Variants in ZFYVE16 observed in about 807,000 individuals in gnomAD.
The protein encoded by ZFYVE16 is zinc finger FYVE-type containing 16.
A neutral mutation model predicts 138.1 loss-of-function variants in ZFYVE16; 89 were observed. That is an observed-to-expected ratio of 0.64 (90% CI 0.54 to 0.77). The LOEUF (loss-of-function observed/expected upper bound fraction) is 0.77, where lower values mean the gene tolerates loss of function less well. Among genes scored for constraint, ZFYVE16 ranks in the 30% least tolerant of loss-of-function variants. The probability of loss-of-function intolerance (pLI) is 0.00; values close to 1 mark genes in which losing one functional copy is unlikely to be tolerated. For synonymous variants in ZFYVE16, 596 were observed against 618.3 expected (o/e 0.96, Z 0.53); for missense variants, 1,793 against 1,786.7 (o/e 1.00, Z -0.06).
chr5:80,473,839 A>C lies in ZFYVE16; in HGVS notation c.4273A>C (p.Lys1425Gln), dbSNP rs1407813310. The change falls in exon 17 of 19, where the codon AAG becomes CAG. Residue 1425 changes from lysine to glutamine, a missense_variant. Physicochemically the swap from Lys to Gln is moderately conservative, Grantham distance 53. Transcript: ENST00000505560. ...GGAAGCAGATTTTGAAACCGATGAGAAGATTGTAAAATGTACCGAGGTAAC... is the reference window on the plus strand; with the variant it reads ...GGAAGCAGATTTTGAAACCGATGAGCAGATTGTAAAATGTACCGAGGTAAC... ...KLEADFETDE[K>Q]IVKCTEVFYF... 6.2e-7 allele frequency: 1 copy of C among 1,612,946 alleles called. No individual in the cohort carries two copies. The highest frequency in any genetic ancestry group is 8.5e-7 in the Non-Finnish European group (1 of 1,179,316).
In ZFYVE16 at chr5:80,477,575, C is replaced by T. The variant is rs182329612; in HGVS notation, c.*198C>T. The T allele has an allele frequency of 1.4e-4, 55 of 401,658 alleles. 1 individual carries two copies. The highest frequency in any genetic ancestry group is 1.0e-3 in the Admixed American group (22 of 22,062). 24.9% of individuals were successfully genotyped at this position (401,658 alleles called of 1,614,324 possible). A position where few individuals can be genotyped will look rare whatever the true frequency, so the allele number is the denominator to read the frequency against. On this transcript the variant is annotated 3_prime_UTR_variant, in exon 19 of 19. Transcript: ENST00000505560. ...TATCTAAAAATTTAAGAGATCCATACTTTCTGTAGCTTTACAATTAATTTA... is the reference window on the plus strand; with the variant it reads ...TATCTAAAAATTTAAGAGATCCATATTTTCTGTAGCTTTACAATTAATTTA...
chr5:80,478,133 A>G lies in ZFYVE16; in HGVS notation c.*756A>G, dbSNP rs1249866779. On this transcript the variant is annotated 3_prime_UTR_variant, in exon 19 of 19. Coordinates refer to ENST00000505560, the MANE Select transcript of ZFYVE16 (RefSeq NM_001284236.3). ...GTTTTATAAATCTTTAATAATTTAT[A>G]TGTAGGTAATATTTTTGTATCACAA... is the stretch of plus-strand genomic sequence containing the variant. The G allele has an allele frequency of 6.6e-6, 1 of 152,070 alleles. No individual in the cohort carries two copies. Among genetic ancestry groups the G allele is most frequent in the Non-Finnish European group, 1.5e-5 (1 of 67,936 alleles). The allele number at this position is 152,070 out of a possible 1,614,324, so 9.4% of individuals were successfully genotyped here. A position where few individuals can be genotyped will look rare whatever the true frequency, so the allele number is the denominator to read the frequency against.
intron 2 of ZFYVE16, among the ~76,000 whole-genome samples, 154 bp from the exon 3 acceptor site, chr5:80,433,955 G>A (rs1040335168): frequency 4.6e-5 from 7 of 152,076 alleles, no homozygotes; most frequent in African/African-American, 7.2e-5. Flanking sequence ...ATATACAGGG[G>A]CAGTTTCCCC....
intron 5 of ZFYVE16, chr5:80,440,487 T>G: frequency 3.0e-6 from 3 of 985,530 alleles, no homozygotes; most frequent in Non-Finnish European, 3.6e-6. Context: ...TGGTAATATT[T>G]ATGATTTTAT....
chr5:80,473,344 C>T (rs1005427661), intron 16 of ZFYVE16, among the ~76,000 whole-genome samples: 1 of 152,164 alleles, frequency 6.6e-6, no homozygotes, highest in Non-Finnish European at 1.5e-5. Context: ...AGAGGCCTTA[C>T]AGATTATTAC....
intron 11 of ZFYVE16, chr5:80,455,368 T>C (rs747697422): frequency 1.5e-4 from 41 of 265,770 alleles, no homozygotes; most frequent in Non-Finnish European, 2.6e-4. Context: ...ACCCTGTCTC[T>C]ACTAAAAATA....
chr5:80,430,766 G>A (rs868446706), intron 2 of ZFYVE16, among the ~76,000 whole-genome samples: 7 of 152,226 alleles, frequency 4.6e-5, no homozygotes, highest in Middle Eastern at 3.4e-3. Flanking sequence ...TAACACCACC[G>A]ATCCCACAGA....
Position 80,427,971 on chromosome 5 carries a change from C to CAAAAAAAAA in ZFYVE16, c.-40+443_-40+451dup, listed in dbSNP as rs386404254. On this transcript the variant is annotated intron_variant, in intron 2 of 18. Coordinates refer to ENST00000505560, the MANE Select transcript of ZFYVE16 (RefSeq NM_001284236.3). ...TGCGTGACAGAGCGAGACTCCATCT[C>CAAAAAAAAA]AAAAAAAAAAAAAAAAAAAAAAAAA... Among the ~76,000 whole-genome samples, 9 of 48,104 alleles carry CAAAAAAAAA rather than the reference C, an allele frequency of 1.9e-4. 2 individuals are homozygous for CAAAAAAAAA. Among genetic ancestry groups the CAAAAAAAAA allele is most frequent in the South Asian group, 1.5e-3 (1 of 646 alleles). 31.6% of individuals were successfully genotyped at this position (48,104 alleles called of 152,430 possible).
chr5:80,473,060 T>G, intron 16 of ZFYVE16, 137 bp downstream of exon 16: 1 of 872,324 alleles, frequency 1.1e-6, no homozygotes, highest in Non-Finnish European at 1.6e-6. Flanking sequence ...CTCAAATTAA[T>G]GAATGCAATC....
intron 17 of ZFYVE16, among the ~76,000 whole-genome samples, chr5:80,474,347 T>C (rs1754681084): frequency 6.6e-6 from 1 of 152,182 alleles, no homozygotes; most frequent in African/African-American, 2.4e-5. Flanking sequence ...ATAGAACCTG[T>C]AGAGAATGTA....
intron 1 of ZFYVE16, among the ~76,000 whole-genome samples, chr5:80,424,153 G>A (rs1308681205): frequency 6.6e-6 from 1 of 151,900 alleles, no homozygotes; most frequent in East Asian, 1.9e-4. Flanking sequence ...CACCATGTTA[G>A]CCAGGCTAGT....
chr5:80,444,076 A>G (rs954725781), intron 6 of ZFYVE16, among the ~76,000 whole-genome samples: 1 of 152,198 alleles, frequency 6.6e-6, no homozygotes, highest in Non-Finnish European at 1.5e-5. Flanking sequence ...AGGCACATGT[A>G]GGTCTTTAAA....
intron 15 of ZFYVE16, 62 bp from the exon 16 acceptor site, chr5:80,472,699 A>T (rs1754504112): frequency 6.9e-7 from 1 of 1,458,902 alleles, no homozygotes; most frequent in Non-Finnish European, 9.2e-7. Context: ...AGCAAATTTT[A>T]TGGCTTAGAT....
chr5:80,414,378 T>C (rs1745901223), intron 1 of ZFYVE16, among the ~76,000 whole-genome samples: 1 of 152,202 alleles, frequency 6.6e-6, no homozygotes, highest in African/African-American at 2.4e-5. Flanking sequence ...TTGTCTCTTC[T>C]GTGTGGGTAG....
chr5:80,420,986 T>C (rs1351063993), intron 1 of ZFYVE16, among the ~76,000 whole-genome samples: 1 of 152,248 alleles, frequency 6.6e-6, no homozygotes, highest in Non-Finnish European at 1.5e-5. Context: ...ATGATCGCCA[T>C]TCTAACTGGT....
Position 80,438,447 on chromosome 5 carries a change from GA to G in ZFYVE16, c.1765del (p.Ser589ValfsTer6). 6.2e-7 allele frequency: 1 copy of G among 1,613,896 alleles called. No homozygotes were observed. Among genetic ancestry groups the G allele is most frequent in the Non-Finnish European group, 8.5e-7 (1 of 1,179,872 alleles). ...CAATGCAGAAGCAGGAGCTATTGGGGAAAGTCATGGTATTAATATAATTTGT... is the reference window on the plus strand; with the variant it reads ...CAATGCAGAAGCAGGAGCTATTGGGGAAGTCATGGTATTAATATAATTTGT... Reference protein sequence around the residue: ...YFNAEAGAIGESHGINIICEI... With the variant: ...YFNAEAGAIGXSHGINIICEI... On this transcript the variant is annotated frameshift_variant, in exon 4 of 19. Transcript: ENST00000505560. LOFTEE classifies it high-confidence loss of function.
Position 80,437,950 on chromosome 5 carries a change from T to C in ZFYVE16, c.1265T>C (p.Val422Ala). 1 of 1,613,970 alleles carries C rather than the reference T, an allele frequency of 6.2e-7. No individual in the cohort carries two copies. The highest frequency in any genetic ancestry group is 8.5e-7 in the Non-Finnish European group (1 of 1,179,948). ...CATGAAGAAATACAGAACAGTGTTG[T>C]TCTAGGTGGGGAACCATTCAAAGAG... is the stretch of plus-strand genomic sequence containing the variant. ...TIHEEIQNSV[V>A]LGGEPFKEND... The change falls in exon 4 of 19, where the codon GTT becomes GCT. Residue 422 changes from valine to alanine, a missense_variant. Val to Ala is a moderately conservative substitution (Grantham distance 64). Transcript: ENST00000505560.
intron 15 of ZFYVE16, among the ~76,000 whole-genome samples, chr5:80,462,734 C>T (rs1001875629): frequency 1.3e-5 from 2 of 152,206 alleles, no homozygotes; most frequent in African/African-American, 4.8e-5. Context: ...GTCCCTTCTG[C>T]CTATGAGCTT....
At chr5:80,418,670 C>T (rs1746617073) in intron 1 of ZFYVE16, among the ~76,000 whole-genome samples, 1 of 151,992 alleles carries the variant, frequency 6.6e-6, no homozygotes, top group Non-Finnish European at 1.5e-5. Flanking sequence ...AGATACAAGT[C>T]CTTAATCAGA....
Sources: gnomAD v4.1 joint callset for allele counts (sites outside exome capture counted in the v4.1 genomes callset) on GRCh38, gnomAD v4.1.1 for gene constraint, MANE v1.5 for transcripts, NCBI Gene and HGNC (gene_info 2026-07-23, HGNC 2026-07-21) for gene names.